OSBPL6: variants seen among roughly 807,000 people sequenced by gnomAD.
The protein encoded by OSBPL6 is oxysterol binding protein like 6.
In OSBPL6, 49 loss-of-function variants were observed where a neutral mutation model predicts 125.8. The ratio of observed to expected loss-of-function variants is 0.39; its 90% CI spans 0.31 to 0.49. The LOEUF (loss-of-function observed/expected upper bound fraction) is 0.49. OSBPL6 is among the 20% of genes least tolerant of loss of function. The pLI is 0.88. For synonymous variants in OSBPL6, 394 were observed against 391.8 expected, an observed-to-expected ratio of 1.01 and a Z score of -0.07; for missense variants, 986 against 1,135.4, an observed-to-expected ratio of 0.87 and a Z score of 1.89.
rs112004578 is a variant in OSBPL6 at position 178,291,726 on chromosome 2, C to A, written c.-156+6605C>A. Reference sequence around the variant, plus strand: ...CCTTCTTTCCTCCCTCCCTCCCTCCCTCCTTCCTTTCTTTCCTTCCTTCCT... The same window carrying A: ...CCTTCTTTCCTCCCTCCCTCCCTCCATCCTTCCTTTCTTTCCTTCCTTCCT... On this transcript the variant is annotated intron_variant, in intron 2 of 24. Transcript: ENST00000190611. 6.2e-3 allele frequency among the ~76,000 whole-genome samples: 926 copies of A among 148,914 alleles called. 6 individuals are homozygous for A. The highest frequency in any genetic ancestry group is 0.022 in the African/African-American group (892 of 40,274).
chr2:178,397,230 ACTC>A lies in OSBPL6; in HGVS notation c.*1676_*1678del, dbSNP rs920240751. On this transcript the variant is annotated 3_prime_UTR_variant, in exon 25 of 25. Transcript: ENST00000190611. ...TGGCGCAATATTTTATTTATCCAAAACTCCTCCCTTGCATCTGAGTTTTTATGT... is the reference window on the plus strand; with the variant it reads ...TGGCGCAATATTTTATTTATCCAAAACTCCCTTGCATCTGAGTTTTTATGT... The A allele has an allele frequency of 8.6e-5, 13 of 151,784 alleles. No homozygotes were observed. The highest frequency in any genetic ancestry group is 1.2e-4 in the Non-Finnish European group (8 of 67,936). The allele number at this position is 151,784 out of a possible 1,614,324, so 9.4% of individuals were successfully genotyped here. A position where few individuals can be genotyped will look rare whatever the true frequency, so the allele number is the denominator to read the frequency against.
At chr2:178,324,099 T>A in intron 3 of OSBPL6, 78 bp from the exon 4 acceptor site, 1 of 897,614 alleles carries the variant, frequency 1.1e-6, no homozygotes, top group East Asian at 2.8e-5. Context: ...GACTGTGTTG[T>A]GTATGATTTC....
chr2:178,276,395 C>A lies in OSBPL6; in HGVS notation c.-350-8532C>A, dbSNP rs560627726. 3.3e-4 allele frequency among the ~76,000 whole-genome samples: 42 copies of A among 126,780 alleles called. 1 individual carries two copies. In the East Asian group the frequency reaches 8.7e-3, roughly 26 times the overall value. 83.2% of individuals were successfully genotyped at this position (126,780 alleles called of 152,430 possible). ...GGTTTTTTTTTTTTTTTTTTTGAGA[C>A]GGAGTCTCGCTCTGTCGCCCAGGCT... On this transcript the variant is annotated intron_variant, in intron 1 of 24. Coordinates refer to ENST00000190611, the MANE Select transcript of OSBPL6 (RefSeq NM_032523.4).
chr2:178,337,737 AC>A (rs1689817866), intron 9 of OSBPL6, among the ~76,000 whole-genome samples: 1 of 152,166 alleles, frequency 6.6e-6, no homozygotes, highest in Non-Finnish European at 1.5e-5. Flanking sequence ...TTGGCCTTAA[AC>A]TGAATTATTC....
At chr2:178,206,145 C>A (rs1438180399) in intron 1 of OSBPL6, among the ~76,000 whole-genome samples, 3 of 152,150 alleles carry the variant, frequency 2.0e-5, no homozygotes, top group Non-Finnish European at 2.9e-5. Context: ...TTTGAGAAAG[C>A]TGGCATCTAA....
intron 1 of OSBPL6, among the ~76,000 whole-genome samples, chr2:178,238,286 C>T (rs1453045955): frequency 1.3e-5 from 2 of 152,200 alleles, no homozygotes; most frequent in East Asian, 1.9e-4. Flanking sequence ...TGCTCTGTCC[C>T]ACCCGGGATA....
chr2:178,250,978 A>G (rs571484796), intron 1 of OSBPL6, among the ~76,000 whole-genome samples: 6 of 151,964 alleles, frequency 3.9e-5, no homozygotes, highest in Admixed American at 6.6e-5. Flanking sequence ...AAAAGAAAAG[A>G]AAGTGTAAAC....
intron 2 of OSBPL6, among the ~76,000 whole-genome samples, chr2:178,304,173 T>C (rs1686544801): frequency 6.6e-6 from 1 of 152,112 alleles, no homozygotes; most frequent in African/African-American, 2.4e-5. Context: ...GAACCTCATG[T>C]CGTCATATGG....
Position 178,383,008 on chromosome 2 carries a change from A to T in OSBPL6, c.1622-16A>T. The T allele has an allele frequency of 6.2e-7, 1 of 1,613,162 alleles. No individual in the cohort carries two copies. The highest frequency in any genetic ancestry group is 8.5e-7 in the Non-Finnish European group (1 of 1,179,680). ...GAACAGCAAAGTGTCCTTCACTGTGACTCTCCTTCTTCCAGTCCTGAATGG... is the reference window on the plus strand; with the variant it reads ...GAACAGCAAAGTGTCCTTCACTGTGTCTCTCCTTCTTCCAGTCCTGAATGG... On this transcript the variant is annotated splice_polypyrimidine_tract_variant and intron_variant, in intron 16 of 24. Transcript: ENST00000190611.
At chr2:178,327,145 C>A (rs1688768024) in intron 4 of OSBPL6, among the ~76,000 whole-genome samples, 1 of 150,322 alleles carries the variant, frequency 6.7e-6, no homozygotes, top group Admixed American at 6.6e-5. Flanking sequence ...ACCTGTTCCC[C>A]AAAAACCCAT....
intron 11 of OSBPL6, among the ~76,000 whole-genome samples, chr2:178,340,651 T>G (rs1690113813): frequency 6.6e-6 from 1 of 152,124 alleles, no homozygotes; most frequent in South Asian, 2.1e-4. Flanking sequence ...AAGATTAGAC[T>G]TTATGATTTG....
intron 15 of OSBPL6, among the ~76,000 whole-genome samples, chr2:178,379,285 A>AAAAG (rs1553574866): frequency 7.1e-6 from 1 of 141,808 alleles, no homozygotes; most frequent in Non-Finnish European, 1.5e-5. Context: ...GAAAGAAAGA[A>AAAAG]AAGAAAGAAA....
chr2:178,310,824 A>T (rs1687207684), intron 3 of OSBPL6, among the ~76,000 whole-genome samples: 1 of 152,174 alleles, frequency 6.6e-6, no homozygotes. Flanking sequence ...CCAGGAATCC[A>T]GGAATCATCC....
chr2:178,374,514 G>A (rs971751145), intron 15 of OSBPL6, among the ~76,000 whole-genome samples: 7 of 152,172 alleles, frequency 4.6e-5, no homozygotes, highest in South Asian at 2.1e-4. Flanking sequence ...GAGGTTAACC[G>A]CTGACTATCA....
chr2:178,341,594 T>G (rs1449521971), intron 11 of OSBPL6, among the ~76,000 whole-genome samples: 1 of 152,228 alleles, frequency 6.6e-6, no homozygotes, highest in Non-Finnish European at 1.5e-5. Flanking sequence ...TTTGTAATTC[T>G]AGTTTAGTTA....
intron 13 of OSBPL6, among the ~76,000 whole-genome samples, chr2:178,369,246 A>C (rs1426315313): frequency 6.6e-6 from 1 of 152,202 alleles, no homozygotes; most frequent in Non-Finnish European, 1.5e-5. Flanking sequence ...GACCATCCCA[A>C]TGAATGCCAA....
chr2:178,251,149 G>C (rs1433028803), intron 1 of OSBPL6, among the ~76,000 whole-genome samples: 1 of 152,064 alleles, frequency 6.6e-6, no homozygotes, highest in East Asian at 1.9e-4. Context: ...TGGTCCCAGA[G>C]AGCAGAAGGG....
At chr2:178,283,768 G>T (rs1261077462) in intron 1 of OSBPL6, among the ~76,000 whole-genome samples, 1 of 152,162 alleles carries the variant, frequency 6.6e-6, no homozygotes, top group African/African-American at 2.4e-5. Flanking sequence ...GCTTCCATTC[G>T]TGGCAGAAGA....
At chr2:178,301,901 T>C (rs1686327889) in intron 2 of OSBPL6, among the ~76,000 whole-genome samples, 1 of 152,138 alleles carries the variant, frequency 6.6e-6, no homozygotes, top group South Asian at 2.1e-4. Flanking sequence ...TAAACCTTTC[T>C]TGTAAGCCTC....
Sources: gnomAD v4.1 joint callset for allele counts (sites outside exome capture counted in the v4.1 genomes callset) on GRCh38, gnomAD v4.1.1 for gene constraint, MANE v1.5 for transcripts, NCBI Gene and HGNC (gene_info 2026-07-23, HGNC 2026-07-21) for gene names.